INPP5D: variants seen among roughly 807,000 people sequenced by gnomAD.
INPP5D encodes phosphatidylinositol 3,4,5-trisphosphate 5-phosphatase 1.
Under a neutral mutation model 122.9 loss-of-function variants are expected in INPP5D, and 33 were observed. The observed-to-expected ratio is 0.27, with a 90% confidence interval of 0.20 to 0.36. The LOEUF (loss-of-function observed/expected upper bound fraction) is 0.36, where lower values mean the gene tolerates loss of function less well. Among genes scored for constraint, INPP5D ranks in the 10% least tolerant of loss-of-function variants. INPP5D has a pLI of 1.00. For synonymous variants in INPP5D, 584 were observed against 576.2 expected, an observed-to-expected ratio of 1.01 and a Z score of -0.19; for missense variants, 1,053 against 1,412.7, an observed-to-expected ratio of 0.75 and a Z score of 4.08.
rs569621189 is a variant in INPP5D at position 233,155,667 on chromosome 2, A to G, written c.1031-2646A>G. 6.0e-3 allele frequency among the ~76,000 whole-genome samples: 801 copies of G among 133,106 alleles called. 43 individuals are homozygous for G. The East Asian group carries it at 0.14, about 24-fold the overall frequency. The allele number at this position is 133,106 out of a possible 152,430, so 87.3% of individuals were successfully genotyped here. The stretch of plus-strand genomic sequence containing the variant: ...ATAAATAAATAAATAAATAATAAAT[A>G]AATAAGACGAGTTCAGGAGGCCCAA... On this transcript the variant is annotated intron_variant, in intron 9 of 26. Coordinates refer to ENST00000445964, the MANE Select transcript of INPP5D (RefSeq NM_001017915.3).
intron 2 of INPP5D, among the ~76,000 whole-genome samples, chr2:233,107,613 C>T (rs1472771667): frequency 6.6e-6 from 1 of 152,164 alleles, no homozygotes; most frequent in African/African-American, 2.4e-5. Flanking sequence ...AAGAACCTAG[C>T]TTCAGGAAGT....
chr2:233,118,840 A>G (rs1012448916), intron 2 of INPP5D, among the ~76,000 whole-genome samples: 5 of 152,182 alleles, frequency 3.3e-5, no homozygotes, highest in African/African-American at 4.8e-5. Flanking sequence ...TCTGCCATCC[A>G]TGAGGCTTGG....
intron 2 of INPP5D, among the ~76,000 whole-genome samples, chr2:233,110,438 G>C (rs917018905): frequency 6.6e-6 from 1 of 151,860 alleles, no homozygotes; most frequent in African/African-American, 2.4e-5. Context: ...GGGCTCGAGC[G>C]ATCTTCCCAC....
At position 233,170,071 on chromosome 2, in the gene INPP5D, C is replaced by T. The variant is rs370734839; in HGVS notation, c.1698C>T (p.Gly566=). 71 of 1,613,916 alleles carry T rather than the reference C, an allele frequency of 4.4e-5. No homozygotes were observed. In the African/African-American group the frequency reaches 8.0e-4, roughly 18 times the overall value. ...YMNILRFLAL[G]DKKLSPFNIT... is the part of the protein sequence containing the mutation. ...ACATTCTCCGGTTCCTGGCCCTGGG[C>T]GACAAGAAGCTGAGTCCCTTTAACA... The change falls in exon 15 of 27, where the codon GGC becomes GGT. Residue 566 remains glycine (G), a synonymous_variant. Coordinates refer to ENST00000445964, the MANE Select transcript of INPP5D (RefSeq NM_001017915.3). This position sits in a 1 kb window ranked among gnomAD's most constrained non-coding sequence, Gnocchi z 4.5.
intron 9 of INPP5D, among the ~76,000 whole-genome samples, chr2:233,157,190 G>C (rs1440820915): frequency 3.3e-5 from 5 of 152,114 alleles, no homozygotes; most frequent in Admixed American, 2.6e-4. Context: ...CCAAAATGAG[G>C]GTGTAAACCA....
chr2:233,204,110 C>T lies in INPP5D; in HGVS notation c.2976-16C>T, dbSNP rs375522156. On this transcript the variant is annotated splice_polypyrimidine_tract_variant and intron_variant, in intron 25 of 26. Coordinates refer to ENST00000445964, the MANE Select transcript of INPP5D (RefSeq NM_001017915.3). ...CCCCTGGACATGTGTCTTCCCTGCTCTGTCCCTGGCTCTAGGCCCAGTGAC... is the reference window on the plus strand; with the variant it reads ...CCCCTGGACATGTGTCTTCCCTGCTTTGTCCCTGGCTCTAGGCCCAGTGAC... 3.3e-6 allele frequency: 5 copies of T among 1,508,342 alleles called. No individual in the cohort carries two copies. The highest frequency in any genetic ancestry group is 2.6e-5 in the South Asian group (2 of 77,512). The allele number at this position is 1,508,342 out of a possible 1,614,324, so 93.4% of individuals were successfully genotyped here.
chr2:233,138,724 ATTTAT>A (rs1297840577), intron 5 of INPP5D, among the ~76,000 whole-genome samples: 2 of 142,796 alleles, frequency 1.4e-5, no homozygotes, highest in African/African-American at 5.0e-5. Flanking sequence ...AGCAGGTTTT[ATTTAT>A]TTTATTTTTA....
chr2:233,171,219 G>C, intron 17 of INPP5D, 67 bp downstream of exon 17: 1 of 1,561,868 alleles, frequency 6.4e-7, no homozygotes, highest in Non-Finnish European at 8.7e-7. Flanking sequence ...GTTCCCAAAA[G>C]GTGAACAGAA....
At chr2:233,066,773 A>ATT (rs564373774) in intron 1 of INPP5D, among the ~76,000 whole-genome samples, 92 of 143,592 alleles carry the variant, frequency 6.4e-4, no homozygotes, top group African/African-American at 2.1e-3. Context: ...TGCCCGGCTA[A>ATT]TTTTTTTTTT....
At chr2:233,127,034 C>T (rs1319111664) in intron 4 of INPP5D, among the ~76,000 whole-genome samples, 2 of 152,174 alleles carry the variant, frequency 1.3e-5, no homozygotes, top group East Asian at 3.8e-4. Context: ...CGGGGAGGCC[C>T]CATGGTTCCA....
chr2:233,178,614 C>T (rs949772550), intron 18 of INPP5D, among the ~76,000 whole-genome samples: 7 of 152,084 alleles, frequency 4.6e-5, no homozygotes, highest in Non-Finnish European at 1.0e-4. Flanking sequence ...TCCCGAGTAG[C>T]TGGGATATCA....
intron 22 of INPP5D, among the ~76,000 whole-genome samples, chr2:233,192,815 C>A (rs768110198): frequency 3.3e-5 from 5 of 152,198 alleles, no homozygotes; most frequent in Admixed American, 6.5e-5. Context: ...AGTGTTTGTG[C>A]TTCTTGGCGC....
chr2:233,125,773 G>T lies in INPP5D; in HGVS notation c.378G>T (p.Leu126=), dbSNP rs1693138432. The T allele has an allele frequency of 6.2e-7, 1 of 1,613,586 alleles. No individual in the cohort carries two copies. The highest frequency in any genetic ancestry group is 8.5e-7 in the Non-Finnish European group (1 of 1,179,750). ...TVESVVSPPE[L]PPRNIPLTAS... ...AAAGTGTCGTGTCTCCACCCGAGCT[G>T]CCCCCAAGAAACATCCCGCTGACTG... Residue 126 remains leucine, a synonymous_variant, in exon 4 of 27, where the codon CTG becomes CTT. Coordinates refer to ENST00000445964, the MANE Select transcript of INPP5D (RefSeq NM_001017915.3).
intron 22 of INPP5D, among the ~76,000 whole-genome samples, chr2:233,193,039 C>A (rs990113396): frequency 6.6e-6 from 1 of 152,262 alleles, no homozygotes; most frequent in Non-Finnish European, 1.5e-5. Context: ...AGGCATGCAC[C>A]ACCACCCCTG....
intron 4 of INPP5D, 120 bp from the exon 5 acceptor site, chr2:233,130,388 G>A: frequency 9.3e-7 from 1 of 1,077,332 alleles, no homozygotes; most frequent in Non-Finnish European, 1.3e-6. Context: ...TCTTCTGAAG[G>A]ACGGTGTCCC....
intron 1 of INPP5D, among the ~76,000 whole-genome samples, chr2:233,064,202 C>T (rs960295670): frequency 5.3e-5 from 8 of 152,244 alleles, no homozygotes; most frequent in Admixed American, 3.3e-4. Context: ...CCTGGAGTTG[C>T]GCAGGAGGGC....
At chr2:233,075,107 G>A (rs1009634340) in intron 1 of INPP5D, among the ~76,000 whole-genome samples, 1 of 152,156 alleles carries the variant, frequency 6.6e-6, no homozygotes, top group Non-Finnish European at 1.5e-5. Context: ...TCCACACTCA[G>A]CACAGGGTGG....
chr2:233,148,728 C>T (rs537961932), intron 9 of INPP5D, among the ~76,000 whole-genome samples: 16 of 152,212 alleles, frequency 1.1e-4, no homozygotes, highest in African/African-American at 3.6e-4. Context: ...TGGGTTCCCC[C>T]GAGAAACCTG....
chr2:233,184,935 C>G (rs1033957835), intron 20 of INPP5D, among the ~76,000 whole-genome samples: 2 of 152,004 alleles, frequency 1.3e-5, no homozygotes, highest in African/African-American at 2.4e-5. Context: ...GCCCTGGCCC[C>G]TCTTGCTCGT....
Sources: allele counts gnomAD v4.1 joint callset (sites outside exome capture counted in the v4.1 genomes callset), GRCh38; gene constraint gnomAD v4.1.1; non-coding constraint Gnocchi (gnomAD v3.1); transcripts MANE v1.5; gene names NCBI Gene and HGNC (gene_info 2026-07-23, HGNC 2026-07-21).